The following PRKN variants were observed in gnomAD, a reference collection of about 807,000 sequenced individuals.
PRKN encodes parkin RBR E3 ubiquitin protein ligase.
PRKN carries 56 observed loss-of-function variants against 59.5 expected under a neutral mutation model. That is an observed-to-expected ratio of 0.94 (90% CI 0.76 to 1.18). The LOEUF (loss-of-function observed/expected upper bound fraction) is 1.18, where lower values mean the gene tolerates loss of function less well. PRKN is among the 50% of genes most tolerant of loss of function. The pLI, the probability that PRKN is intolerant of heterozygous loss-of-function variation, is 0.00. For missense variants in PRKN, 657 were observed against 596.4 expected, an observed-to-expected ratio of 1.10 and a Z score of -1.06; for synonymous variants, 250 against 222.1, an observed-to-expected ratio of 1.13 and a Z score of -1.12.
intron 7 of PRKN, among the ~76,000 whole-genome samples, chr6:161,725,361 C>T (rs1204653542): frequency 6.6e-6 from 1 of 152,074 alleles, no homozygotes; most frequent in Non-Finnish European, 1.5e-5. Flanking sequence ...AGACTCAGGA[C>T]AAATAAAAGT....
chr6:162,686,210 A>G (rs1779972136), intron 1 of PRKN, among the ~76,000 whole-genome samples: 1 of 152,242 alleles, frequency 6.6e-6, no homozygotes, highest in Non-Finnish European at 1.5e-5. Context: ...TTCACCATAA[A>G]TGTCATGATT....
rs538376380 is a variant in PRKN, at chr6:161,499,545, C to T, written c.1083+49309G>A. Among the ~76,000 whole-genome samples the T allele has an allele frequency of 6.6e-6, 1 of 152,236 alleles. No individual in the cohort carries two copies. The highest frequency in any genetic ancestry group is 2.1e-4 in the South Asian group (1 of 4,814). On this transcript the variant is annotated intron_variant, in intron 9 of 11. Transcript: ENST00000366898. This position sits in a 1 kb window ranked among gnomAD's most constrained non-coding sequence, Gnocchi z 4.2. ...CCTCTCTTCTAGCCTCTTGCATCTA[C>T]CTCTATGGTTTGACTTCTGAAAATG...
intron 7 of PRKN, among the ~76,000 whole-genome samples, chr6:161,634,814 G>A (rs934399818): frequency 1.3e-5 from 2 of 152,226 alleles, no homozygotes; most frequent in African/African-American, 4.8e-5. Flanking sequence ...CAACAAATGC[G>A]AGTACTTTCC....
At chr6:161,613,982 T>C (rs777651305) in intron 7 of PRKN, among the ~76,000 whole-genome samples, 4 of 152,168 alleles carry the variant, frequency 2.6e-5, no homozygotes, top group Non-Finnish European at 4.4e-5. Flanking sequence ...TCATTCAAGT[T>C]GTAGCAAATT....
intron 6 of PRKN, among the ~76,000 whole-genome samples, chr6:161,848,919 C>A (rs1052274607): frequency 1.3e-5 from 2 of 152,144 alleles, no homozygotes; most frequent in Admixed American, 1.3e-4. Context: ...GACCCAGGAG[C>A]CTGCTTTTCT....
At position 161,486,751 on chromosome 6, in the gene PRKN, C is replaced by A. The variant is rs1351062728; in HGVS notation, c.1083+62103G>T. On this transcript the variant is annotated intron_variant, in intron 9 of 11. Coordinates refer to ENST00000366898, the MANE Select transcript of PRKN (RefSeq NM_004562.3). The stretch of plus-strand genomic sequence containing the variant: ...TAAATGCTGCTCATTATGATTAAGA[C>A]TTTGATTAAATGTGAAAGTCTAGGA... 2.0e-5 allele frequency among the ~76,000 whole-genome samples: 3 copies of A among 152,174 alleles called. No individual in the cohort carries two copies. The East Asian group carries it at 5.8e-4, about 29-fold the overall frequency.
At chr6:162,234,675 G>A (rs1778571119) in intron 3 of PRKN, among the ~76,000 whole-genome samples, 1 of 152,260 alleles carries the variant, frequency 6.6e-6, no homozygotes, top group South Asian at 2.1e-4. Context: ...TTTGCATTAT[G>A]TTTTATATTT....
rs1284436176 is a variant in PRKN at position 162,645,873 on chromosome 6, T to C, written c.7+81789A>G. Among the ~76,000 whole-genome samples the C allele has an allele frequency of 8.7e-3, 1,233 of 142,398 alleles. 19 individuals are homozygous for C. The highest frequency in any genetic ancestry group is 0.03 in the African/African-American group (1,144 of 38,120). The allele number at this position is 142,398 out of a possible 152,430, so 93.4% of individuals were successfully genotyped here. On this transcript the variant is annotated intron_variant, in intron 1 of 11. Transcript: ENST00000366898. ...CCACAGTGCATAAACTTTCTCTTTT[T>C]TTTTTTTTTTTTTTTTTTTGAGACA...
At chr6:161,788,627 T>C (rs1447091041) in intron 6 of PRKN, among the ~76,000 whole-genome samples, 2 of 142,228 alleles carry the variant, frequency 1.4e-5, no homozygotes, top group Non-Finnish European at 2.9e-5. Flanking sequence ...TAACAGTGGG[T>C]TACCAGAGAG....
intron 1 of PRKN, among the ~76,000 whole-genome samples, chr6:162,548,647 ATCCT>A (rs1779214651): frequency 6.6e-6 from 1 of 152,178 alleles, no homozygotes; most frequent in Non-Finnish European, 1.5e-5. Context: ...AAGGATGGCT[ATCCT>A]TCCTATTTAA....
At chr6:162,508,506 T>G (rs1793702835) in intron 1 of PRKN, among the ~76,000 whole-genome samples, 3 of 152,198 alleles carry the variant, frequency 2.0e-5, no homozygotes, top group African/African-American at 7.2e-5. Context: ...TCAATTTGTT[T>G]TCTGACACAC....
intron 4 of PRKN, among the ~76,000 whole-genome samples, chr6:162,159,317 T>C (rs1782659350): frequency 1.3e-5 from 2 of 152,224 alleles, no homozygotes; most frequent in African/African-American, 4.8e-5. Context: ...TCTTTTTTAG[T>C]AAGCTTTTCT....
At chr6:162,506,689 C>T (rs775184751) in intron 1 of PRKN, among the ~76,000 whole-genome samples, 4 of 152,018 alleles carry the variant, frequency 2.6e-5, no homozygotes, top group Non-Finnish European at 4.4e-5. Context: ...ATTCTTGCTT[C>T]GGGAGAAGAG....
At chr6:161,923,871 C>G (rs968093318) in intron 6 of PRKN, among the ~76,000 whole-genome samples, 1 of 152,176 alleles carries the variant, frequency 6.6e-6, no homozygotes, top group Non-Finnish European at 1.5e-5. Context: ...TCCCTGTCTG[C>G]CTGGTACTCT....
At chr6:162,516,445 T>C (rs1291147623) in intron 1 of PRKN, among the ~76,000 whole-genome samples, 1 of 152,096 alleles carries the variant, frequency 6.6e-6, no homozygotes, top group Non-Finnish European at 1.5e-5. Context: ...TACTCGGTTA[T>C]ATTATATTAT....
At chr6:161,975,683 G>T (rs929497595) in intron 5 of PRKN, among the ~76,000 whole-genome samples, 1 of 152,040 alleles carries the variant, frequency 6.6e-6, no homozygotes, top group African/African-American at 2.4e-5. Context: ...TGATTTCTGG[G>T]ATGGCATCAA....
At chr6:162,073,209 A>T (rs118186686) in intron 4 of PRKN, among the ~76,000 whole-genome samples, 35 of 152,324 alleles carry the variant, frequency 2.3e-4, no homozygotes, top group Non-Finnish European at 4.6e-4. Context: ...AGAGAATTGT[A>T]CTCACGCTTA....
intron 7 of PRKN, among the ~76,000 whole-genome samples, chr6:161,638,319 G>T (rs1783606317): frequency 6.6e-6 from 1 of 152,076 alleles, no homozygotes; most frequent in Non-Finnish European, 1.5e-5. Context: ...TGTTTCAGTA[G>T]AGATGGGGTT....
At chr6:161,863,571 C>T (rs1177303459) in intron 6 of PRKN, among the ~76,000 whole-genome samples, 5 of 152,098 alleles carry the variant, frequency 3.3e-5, no homozygotes, top group Admixed American at 6.6e-5. Flanking sequence ...TATGACATTT[C>T]CTGGAAGTGA....
Sources: allele counts gnomAD v4.1 joint callset (sites outside exome capture counted in the v4.1 genomes callset), GRCh38; gene constraint gnomAD v4.1.1; non-coding constraint Gnocchi (gnomAD v3.1); transcripts MANE v1.5; gene names NCBI Gene and HGNC (gene_info 2026-07-23, HGNC 2026-07-21).